Variants in ARHGAP15 observed in about 807,000 individuals in gnomAD.
ARHGAP15 encodes Rho GTPase activating protein 15.
A neutral mutation model predicts 63.7 loss-of-function variants in ARHGAP15; 51 were observed. The observed-to-expected ratio is 0.80, with a 90% CI of 0.64 to 1.01. The LOEUF is 1.01. ARHGAP15 is among the 50% of genes least tolerant of loss of function. ARHGAP15 has a pLI of 0.00. For synonymous variants in ARHGAP15, 191 were observed against 193.8 expected (o/e 0.99, Z 0.12); for missense variants, 560 against 564.6 (o/e 0.99, Z 0.08).
At chr2:143,668,247 T>C (rs1682333182) in intron 12 of ARHGAP15, among the ~76,000 whole-genome samples, 1 of 152,050 alleles carries the variant, frequency 6.6e-6, no homozygotes, top group Non-Finnish European at 1.5e-5. Flanking sequence ...CATCACTTCC[T>C]AAAGGGTTAC....
chr2:143,503,439 CTACT>C (rs1291983290), intron 9 of ARHGAP15, among the ~76,000 whole-genome samples: 1 of 152,186 alleles, frequency 6.6e-6, no homozygotes, highest in Admixed American at 6.5e-5. Flanking sequence ...CTTGGCTCTG[CTACT>C]TACTTGTTTT....
chr2:143,307,243 A>G (rs993092787), intron 6 of ARHGAP15, among the ~76,000 whole-genome samples: 3 of 152,108 alleles, frequency 2.0e-5, no homozygotes, highest in African/African-American at 7.2e-5. Flanking sequence ...CTCAAAGTCA[A>G]TGGCTTTGGG....
chr2:143,168,693 C>A (rs958701884), intron 2 of ARHGAP15, among the ~76,000 whole-genome samples: 1 of 151,926 alleles, frequency 6.6e-6, no homozygotes. Context: ...TGAAGCCGTG[C>A]ACTTGTAAAT....
intron 2 of ARHGAP15, among the ~76,000 whole-genome samples, chr2:143,181,389 C>T (rs1238507593): frequency 6.6e-6 from 1 of 152,202 alleles, no homozygotes; most frequent in Non-Finnish European, 1.5e-5. Flanking sequence ...CAGGCATTGA[C>T]TTTTCCTCTT....
chr2:143,668,060 G>A (rs1001950215), intron 12 of ARHGAP15, among the ~76,000 whole-genome samples: 1 of 151,546 alleles, frequency 6.6e-6, no homozygotes, highest in African/African-American at 2.4e-5. Flanking sequence ...AAAAAAAAAA[G>A]TTGAAGGAGA....
At chr2:143,217,664 C>G (rs1481394654) in intron 4 of ARHGAP15, among the ~76,000 whole-genome samples, 4 of 152,118 alleles carry the variant, frequency 2.6e-5, no homozygotes, top group Non-Finnish European at 5.9e-5. Context: ...TAGCCCAGCC[C>G]GAGTGCTCTC....
intron 11 of ARHGAP15, among the ~76,000 whole-genome samples, chr2:143,557,064 A>G (rs1017866834): frequency 6.6e-6 from 1 of 152,106 alleles, no homozygotes; most frequent in African/African-American, 2.4e-5. Context: ...GAAATGATTG[A>G]GTCACTTTGG....
chr2:143,521,727 G>C (rs907799959), intron 10 of ARHGAP15, among the ~76,000 whole-genome samples: 1 of 152,014 alleles, frequency 6.6e-6, no homozygotes, highest in Non-Finnish European at 1.5e-5. Flanking sequence ...TTAGGGAAAT[G>C]GTCTTGATAC....
intron 6 of ARHGAP15, among the ~76,000 whole-genome samples, chr2:143,260,444 AAAAT>A (rs1680662264): frequency 6.6e-6 from 1 of 152,138 alleles, no homozygotes; most frequent in Non-Finnish European, 1.5e-5. Context: ...ATAATGAGTT[AAAAT>A]TGCCCCAGGA....
At chr2:143,220,579 A>G (rs912829211) in intron 4 of ARHGAP15, among the ~76,000 whole-genome samples, 2 of 152,216 alleles carry the variant, frequency 1.3e-5, no homozygotes, top group Admixed American at 1.3e-4. Context: ...ACCATTTTAA[A>G]TGAATCTTAG....
intron 6 of ARHGAP15, among the ~76,000 whole-genome samples, chr2:143,329,780 A>AC (rs926568735): frequency 4.6e-5 from 7 of 150,762 alleles, no homozygotes; most frequent in African/African-American, 1.7e-4. Flanking sequence ...GCACATACAC[A>AC]CCCCCCTCCG....
chr2:143,408,350 G>A (rs569411519), intron 6 of ARHGAP15, among the ~76,000 whole-genome samples: 34 of 149,202 alleles, frequency 2.3e-4, no homozygotes, highest in Non-Finnish European at 3.7e-4. Context: ...AATTTTGTGC[G>A]CTTTTCTATA....
intron 4 of ARHGAP15, among the ~76,000 whole-genome samples, chr2:143,217,345 AG>A (rs897938611): frequency 1.3e-5 from 2 of 152,250 alleles, no homozygotes; most frequent in South Asian, 2.1e-4. Flanking sequence ...TAAAATTTGG[AG>A]GGGGGTGGAG....
intron 13 of ARHGAP15, among the ~76,000 whole-genome samples, chr2:143,731,703 A>G (rs1358526420): frequency 1.3e-5 from 2 of 152,246 alleles, no homozygotes; most frequent in East Asian, 3.8e-4. Context: ...GCTTGCATAT[A>G]GCATAGTGAA....
At chr2:143,225,162 G>A (rs1693156753) in intron 4 of ARHGAP15, among the ~76,000 whole-genome samples, 1 of 152,160 alleles carries the variant, frequency 6.6e-6, no homozygotes, top group African/African-American at 2.4e-5. Flanking sequence ...ACACGGAATG[G>A]TGCATTTTTA....
intron 10 of ARHGAP15, among the ~76,000 whole-genome samples, chr2:143,530,461 C>T (rs779537418): frequency 1.3e-5 from 2 of 152,222 alleles, no homozygotes; most frequent in Non-Finnish European, 2.9e-5. Flanking sequence ...CTGAGGGATT[C>T]GACTAACTAA....
intron 6 of ARHGAP15, among the ~76,000 whole-genome samples, chr2:143,384,563 G>C (rs1687190193): frequency 1.5e-5 from 1 of 65,686 alleles, no homozygotes; most frequent in Non-Finnish European, 3.2e-5. Flanking sequence ...GTGTTTTAGA[G>C]TTAAAAAAAA....
At chr2:143,339,704 G>T (rs1044341997) in intron 6 of ARHGAP15, among the ~76,000 whole-genome samples, 1 of 151,926 alleles carries the variant, frequency 6.6e-6, no homozygotes, top group Admixed American at 6.6e-5. Context: ...GCTTCTCCAC[G>T]GTGCCTATGG....
intron 2 of ARHGAP15, among the ~76,000 whole-genome samples, chr2:143,171,060 A>C (rs1690758597): frequency 6.6e-6 from 1 of 152,166 alleles, no homozygotes; most frequent in South Asian, 2.1e-4. Flanking sequence ...AGAGGGCAAA[A>C]ACACAAGAAT....
Sources: allele counts gnomAD v4.1 joint callset (sites outside exome capture counted in the v4.1 genomes callset), GRCh38; gene constraint gnomAD v4.1.1; transcripts MANE v1.5; gene names NCBI Gene and HGNC (gene_info 2026-07-23, HGNC 2026-07-21).